Variants in FHIT observed in about 807,000 individuals in gnomAD.
FHIT encodes fragile histidine triad diadenosine triphosphatase.
FHIT carries 19 observed loss-of-function variants against 17.9 expected under a neutral mutation model. The observed-to-expected ratio is 1.06, with a 90% CI of 0.74 to 1.56. FHIT has a LOEUF of 1.56. Ranked by LOEUF, FHIT falls within the 40% of genes most tolerant of loss-of-function variation. The pLI, the probability that FHIT is intolerant of heterozygous loss-of-function variation, is 0.00. For missense variants in FHIT, 248 were observed against 189.2 expected, an observed-to-expected ratio of 1.31 and a Z score of -1.82; for synonymous variants, 81 against 69.7, an observed-to-expected ratio of 1.16 and a Z score of -0.81.
Position 60,348,616 on chromosome 3 carries a change from G to A in FHIT, c.103+188244C>T, listed in dbSNP as rs145453288. On this transcript the variant is annotated intron_variant, in intron 5 of 9. Transcript: ENST00000492590. ...AAGTATACCTGGGACTTGGCAATAA[G>A]TCACAGGCACCTAGACCACAGCTCT... Among the ~76,000 whole-genome samples the A allele has an allele frequency of 2.6e-5, 4 of 152,034 alleles. No homozygotes were observed. In the East Asian group the frequency reaches 7.7e-4, roughly 29 times the overall value.
At chr3:60,324,147 T>C (rs1709564462) in intron 5 of FHIT, among the ~76,000 whole-genome samples, 1 of 152,160 alleles carries the variant, frequency 6.6e-6, no homozygotes, top group Non-Finnish European at 1.5e-5. Context: ...AAGTATTAAC[T>C]CATTTACTCC....
At chr3:61,172,933 C>CA (rs1194453941) in intron 2 of FHIT, among the ~76,000 whole-genome samples, 1 of 152,092 alleles carries the variant, frequency 6.6e-6, no homozygotes, top group African/African-American at 2.4e-5. Flanking sequence ...GTATCCTAAA[C>CA]GAGTAAAGCA....
intron 3 of FHIT, among the ~76,000 whole-genome samples, chr3:61,028,148 A>G (rs191302597): frequency 2.0e-5 from 3 of 152,300 alleles, no homozygotes; most frequent in African/African-American, 7.2e-5. Context: ...TATGTTGGCA[A>G]TTCCTATCCT....
chr3:61,041,241 T>G (rs1006161416), intron 3 of FHIT, among the ~76,000 whole-genome samples: 3 of 151,898 alleles, frequency 2.0e-5, no homozygotes, highest in South Asian at 2.1e-4. Flanking sequence ...TAGCTAGGTG[T>G]GGTGGCACGC....
chr3:59,819,313 C>A (rs191248966), intron 8 of FHIT, among the ~76,000 whole-genome samples: 1 of 152,254 alleles, frequency 6.6e-6, no homozygotes, highest in Admixed American at 6.5e-5. Context: ...TCTCGAGGTT[C>A]TTGCCTAGTT....
chr3:61,210,086 C>T (rs571609174), intron 1 of FHIT, among the ~76,000 whole-genome samples: 1 of 152,236 alleles, frequency 6.6e-6, no homozygotes, highest in East Asian at 1.9e-4. Context: ...ACTCCAGACT[C>T]TGTGTGCCTG....
chr3:59,975,004 C>G (rs764721821), intron 7 of FHIT, among the ~76,000 whole-genome samples: 23 of 152,112 alleles, frequency 1.5e-4, no homozygotes, highest in Non-Finnish European at 3.1e-4. Flanking sequence ...CTTCATTGCA[C>G]TAATCGCCAC....
intron 7 of FHIT, among the ~76,000 whole-genome samples, chr3:59,986,529 A>T (rs1278958837): frequency 0.048 from 193 of 4,008 alleles, no homozygotes; most frequent in East Asian, 0.15. Context: ...ATATATATAT[A>T]TATATATATA....
Position 60,991,391 on chromosome 3 carries a change from A to G in FHIT, c.-111+50656T>C, listed in dbSNP as rs141297767. ...AGGCCTAATGAAGACTTAGTATTTTATATTAATGACAAGGACAGCCACCGA... is the reference window on the plus strand; with the variant it reads ...AGGCCTAATGAAGACTTAGTATTTTGTATTAATGACAAGGACAGCCACCGA... On this transcript the variant is annotated intron_variant, in intron 3 of 9. Coordinates refer to ENST00000492590, the MANE Select transcript of FHIT (RefSeq NM_002012.4). Among the ~76,000 whole-genome samples, 628 of 152,338 alleles carry G rather than the reference A, an allele frequency of 4.1e-3. 4 individuals carry two copies. Among genetic ancestry groups the G allele is most frequent in the African/African-American group, 0.014 (599 of 41,580 alleles).
chr3:59,839,330 A>C (rs1468102832), intron 8 of FHIT, among the ~76,000 whole-genome samples: 2 of 151,826 alleles, frequency 1.3e-5, no homozygotes, highest in East Asian at 3.9e-4. Flanking sequence ...AAAAAAAAAA[A>C]ACAAAAAGAA....
chr3:60,252,998 A>C (rs1024985811), intron 5 of FHIT, among the ~76,000 whole-genome samples: 1 of 152,146 alleles, frequency 6.6e-6, no homozygotes, highest in African/African-American at 2.4e-5. Flanking sequence ...ACTCCATCTC[A>C]AAATAAATAA....
intron 8 of FHIT, among the ~76,000 whole-genome samples, chr3:59,874,649 C>T (rs996262677): frequency 2.7e-5 from 4 of 149,066 alleles, no homozygotes; most frequent in South Asian, 2.2e-4. Flanking sequence ...AGACTTCATC[C>T]GGCTGCTTGC....
At chr3:60,268,478 G>A (rs2107622266) in intron 5 of FHIT, among the ~76,000 whole-genome samples, 1 of 152,278 alleles carries the variant, frequency 6.6e-6, no homozygotes, top group South Asian at 2.1e-4. Flanking sequence ...ATTGGACTAG[G>A]CAACATGACT....
chr3:60,954,175 A>G (rs1709014487), intron 3 of FHIT, among the ~76,000 whole-genome samples: 1 of 152,202 alleles, frequency 6.6e-6, no homozygotes, highest in Non-Finnish European at 1.5e-5. Context: ...GTCATTTGCT[A>G]AAATGACTCA....
rs565822683 is a variant in FHIT at position 60,648,702 on chromosome 3, G to A, written c.-17-111723C>T. Among the ~76,000 whole-genome samples the A allele has an allele frequency of 6.3e-4, 96 of 152,314 alleles. 1 individual carries two copies. Among genetic ancestry groups the A allele is most frequent in the African/African-American group, 2.1e-3 (88 of 41,562 alleles). On this transcript the variant is annotated intron_variant, in intron 4 of 9. Transcript: ENST00000492590. ...TTTTCTTGTTCTGCAAAACTCTCCA[G>A]AGCTAAGAGAGCTAATGTGAGATGA...
At chr3:60,470,919 T>G (rs910716011) in intron 5 of FHIT, among the ~76,000 whole-genome samples, 1 of 152,130 alleles carries the variant, frequency 6.6e-6, no homozygotes, top group African/African-American at 2.4e-5. Flanking sequence ...GCTCTTCGGT[T>G]AGCAGGTGAT....
intron 8 of FHIT, among the ~76,000 whole-genome samples, chr3:59,889,023 G>A (rs1224196725): frequency 2.0e-5 from 3 of 152,110 alleles, no homozygotes; most frequent in Non-Finnish European, 4.4e-5. Context: ...TGACAGCAGG[G>A]CCCTCATAAC....
intron 2 of FHIT, among the ~76,000 whole-genome samples, chr3:61,171,939 C>A (rs554488583): frequency 3.4e-4 from 52 of 152,276 alleles, no homozygotes; most frequent in African/African-American, 1.2e-3. Flanking sequence ...TTATTCATCT[C>A]TTTTTTATGA....
At chr3:60,066,280 T>C (rs1702499552) in intron 5 of FHIT, among the ~76,000 whole-genome samples, 1 of 152,188 alleles carries the variant, frequency 6.6e-6, no homozygotes, top group Non-Finnish European at 1.5e-5. Flanking sequence ...TTCTCATTTT[T>C]ATCTTGATAC....
Sources: allele counts gnomAD v4.1 joint callset (sites outside exome capture counted in the v4.1 genomes callset), GRCh38; gene constraint gnomAD v4.1.1; transcripts MANE v1.5; gene names NCBI Gene and HGNC (gene_info 2026-07-23, HGNC 2026-07-21).